Variants in NBAS observed in about 807,000 individuals in gnomAD.
NBAS encodes NBAS subunit of NRZ tethering complex, also known as NAG/BC035112 fusion.
NBAS carries 219 observed loss-of-function variants against 302.5 expected under a neutral mutation model. That is an observed-to-expected ratio of 0.72 (90% confidence interval 0.65 to 0.81). NBAS has a LOEUF of 0.81. NBAS is among the 30% of genes least tolerant of loss of function. The pLI is 0.00. For missense variants in NBAS, 2,932 were observed against 2,841.6 expected (o/e 1.03, Z -0.72); for synonymous variants, 1,118 against 1,021.6 (o/e 1.09, Z -1.80).
chr2:15,480,276 G>T (rs1035905080), intron 12 of NBAS, among the ~76,000 whole-genome samples: 1 of 151,936 alleles, frequency 6.6e-6, no homozygotes. Flanking sequence ...AGGAGTTCAA[G>T]GTTGCAGTAA....
the NBAS span, among the ~76,000 whole-genome samples, chr2:15,097,977 T>C: frequency 4.8e-3 from 471 of 98,026 alleles, 12 homozygotes; most frequent in African/African-American, 0.019. Context: ...ATATTGTATA[T>C]AATATATATA....
intron 26 of NBAS, among the ~76,000 whole-genome samples, chr2:15,399,860 A>G (rs1676062541): frequency 1.3e-5 from 2 of 152,196 alleles, no homozygotes; most frequent in Non-Finnish European, 2.9e-5. Flanking sequence ...ACTTCTCAAC[A>G]ATACTAGAAA....
At chr2:14,788,142 G>A in the NBAS span, among the ~76,000 whole-genome samples, 269 of 152,062 alleles carry the variant, frequency 1.8e-3, no homozygotes, top group African/African-American at 6.1e-3. Flanking sequence ...CATTCTTCAC[G>A]TAGTTCTCGA....
chr2:15,443,279 C>T (rs1219485334), intron 21 of NBAS, among the ~76,000 whole-genome samples: 1 of 151,096 alleles, frequency 6.6e-6, no homozygotes, highest in African/African-American at 2.4e-5. Flanking sequence ...CCGAATCCAG[C>T]AGCACATCAA....
At chr2:15,531,948 G>A (rs948217508) in intron 9 of NBAS, among the ~76,000 whole-genome samples, 1 of 151,778 alleles carries the variant, frequency 6.6e-6, no homozygotes, top group African/African-American at 2.4e-5. Flanking sequence ...AGCTCCTCAT[G>A]TACTTTATAT....
intron 51 of NBAS, among the ~76,000 whole-genome samples, chr2:15,169,086 A>G (rs909909453): frequency 1.3e-5 from 2 of 152,176 alleles, no homozygotes; most frequent in Non-Finnish European, 2.9e-5. Context: ...ATTTTTGTAA[A>G]CTGCACAAGT....
At chr2:15,287,023 A>G (rs936676864) in intron 42 of NBAS, 50 bp downstream of exon 42, 2 of 1,414,508 alleles carry the variant, frequency 1.4e-6, no homozygotes, top group African/African-American at 1.4e-5. Flanking sequence ...TCAAAAATAG[A>G]CTCTAAAGAA....
chr2:15,108,565 G>A, the NBAS span, among the ~76,000 whole-genome samples: 1 of 152,116 alleles, frequency 6.6e-6, no homozygotes, highest in Non-Finnish European at 1.5e-5. Flanking sequence ...GAAAGATTGT[G>A]ACCAAGTTGT....
the NBAS span, among the ~76,000 whole-genome samples, chr2:14,908,505 A>G: frequency 2.0e-5 from 3 of 152,210 alleles, no homozygotes; most frequent in African/African-American, 7.2e-5. Context: ...TTTTACGTGG[A>G]GAGGGTTTGC....
At chr2:15,017,079 A>C in the NBAS span, among the ~76,000 whole-genome samples, 1 of 152,112 alleles carries the variant, frequency 6.6e-6, no homozygotes, top group Non-Finnish European at 1.5e-5. Context: ...CAATGTCTTC[A>C]ACAAATAATA....
chr2:15,165,263 C>A (rs1053595126), downstream of NBAS, among the ~76,000 whole-genome samples: 5 of 152,250 alleles, frequency 3.3e-5, no homozygotes, highest in Non-Finnish European at 7.3e-5. Flanking sequence ...CACCATCGGA[C>A]ATAGGCGGTG....
chr2:15,244,268 G>A (rs7601870), intron 44 of NBAS, among the ~76,000 whole-genome samples: 88,768 of 152,050 alleles, frequency 0.58, 28,974 homozygotes, highest in African/African-American at 0.87. Context: ...GCCTGTGACT[G>A]TTTAAAACTT....
chr2:15,339,846 A>G (rs1672765059), intron 35 of NBAS, among the ~76,000 whole-genome samples: 3 of 152,106 alleles, frequency 2.0e-5, no homozygotes, highest in Non-Finnish European at 2.9e-5. Context: ...TTTGGGAAGA[A>G]CATTCCAGGT....
At chr2:15,477,092 G>A (rs1229723323) in intron 13 of NBAS, among the ~76,000 whole-genome samples, 2 of 152,040 alleles carry the variant, frequency 1.3e-5, no homozygotes, top group Non-Finnish European at 2.9e-5. Flanking sequence ...AAAGAAAGAG[G>A]AGCAAATCAC....
chr2:15,473,620 C>T (rs544020607), intron 15 of NBAS, among the ~76,000 whole-genome samples: 1 of 152,284 alleles, frequency 6.6e-6, no homozygotes, highest in African/African-American at 2.4e-5. Context: ...TGGAACAACC[C>T]GGCTTCTAGT....
chr2:14,953,701 A>T, the NBAS span, among the ~76,000 whole-genome samples: 1 of 152,210 alleles, frequency 6.6e-6, no homozygotes, highest in African/African-American at 2.4e-5. Flanking sequence ...CTAAAATCAA[A>T]TTCCACAGGG....
chr2:14,881,527 A>G, the NBAS span, among the ~76,000 whole-genome samples: 1 of 152,208 alleles, frequency 6.6e-6, no homozygotes, highest in African/African-American at 2.4e-5. Context: ...TTTCAAAAAG[A>G]AAAACTGTGA....
intron 12 of NBAS, among the ~76,000 whole-genome samples, chr2:15,481,521 T>G (rs536224319): frequency 6.6e-6 from 1 of 152,164 alleles, no homozygotes; most frequent in African/African-American, 2.4e-5. Context: ...CCTGGCACCA[T>G]GTGAATACAT....
intron 47 of NBAS, among the ~76,000 whole-genome samples, chr2:15,224,478 C>A (rs554712749): frequency 6.6e-6 from 1 of 152,178 alleles, no homozygotes; most frequent in Admixed American, 6.5e-5. Context: ...CCTGAAGGAA[C>A]ATTAGGTCTC....
Sources: gnomAD v4.1 joint callset for allele counts (sites outside exome capture counted in the v4.1 genomes callset) on GRCh38, gnomAD v4.1.1 for gene constraint, MANE v1.5 for transcripts, NCBI Gene and HGNC (gene_info 2026-07-23, HGNC 2026-07-21) for gene names.